KDM6B: variants seen among roughly 807,000 people sequenced by gnomAD.
KDM6B encodes the protein lysine demethylase 6B.
A neutral mutation model predicts 150.4 loss-of-function variants in KDM6B; 22 were observed. That is an observed-to-expected ratio of 0.15 (90% CI 0.10 to 0.21). The LOEUF is 0.21. KDM6B is among the 10% of genes least tolerant of loss of function. The pLI is 1.00. For synonymous variants in KDM6B, 1,148 were observed against 921.1 expected, an observed-to-expected ratio of 1.25 and a Z score of -4.46; for missense variants, 1,984 against 2,234.3, an observed-to-expected ratio of 0.89 and a Z score of 2.26.
rs897216886 is a variant in KDM6B at position 7,850,143 on chromosome 17, A to T, written c.3639A>T (p.Thr1213=). 1 of 1,613,646 alleles carries T rather than the reference A, an allele frequency of 6.2e-7. No individual in the cohort carries two copies. Among genetic ancestry groups the T allele is most frequent in the African/African-American group, 1.3e-5 (1 of 74,926 alleles). The change falls in exon 14 of 24, where the codon ACA becomes ACT. Residue 1213 remains threonine (T), a synonymous_variant. Transcript: ENST00000448097. ...GTACAGACCCTCGAAATCCCATCACAGTGATCCGGGGCCTGGCGGGCTCCC... is the reference window on the plus strand; with the variant it reads ...GTACAGACCCTCGAAATCCCATCACTGTGATCCGGGGCCTGGCGGGCTCCC... ...QFCTDPRNPI[T]VIRGLAGSLR...
chr17:7,845,035 C>CATTAAAAAA lies in KDM6B; in HGVS notation c.-149+15_-149+16insATTAAAAAA. ...ACGGAGGCCGGGTAAGCGGCCGCTG[C>CATTAAAAAA]GTTTTGGGTCGGCCCAGTGGCTCCG... On this transcript the variant is annotated intron_variant, in intron 3 of 23. Transcript: ENST00000448097. 3.2e-5 allele frequency: 6 copies of CATTAAAAAA among 189,824 alleles called. No homozygotes were observed. The highest frequency in any genetic ancestry group is 2.6e-4 in the South Asian group (3 of 11,490). The allele number at this position is 189,824 out of a possible 1,614,324, so 11.8% of individuals were successfully genotyped here.
intron 2 of KDM6B, among the ~76,000 whole-genome samples, chr17:7,842,310 AGAGGGTGTGGCCTCGGCGG>A (rs1490555462): frequency 2.0e-5 from 3 of 152,014 alleles, no homozygotes; most frequent in African/African-American, 7.3e-5. Flanking sequence ...GCCCGGATGG[AGAGGGTGTGGCCTCGGCGG>A]GAGCGGAATT....
intron 1 of KDM6B, among the ~76,000 whole-genome samples, chr17:7,834,792 C>G (rs1426746789): frequency 1.3e-5 from 2 of 152,174 alleles, no homozygotes; most frequent in Non-Finnish European, 2.9e-5. Flanking sequence ...GTTCTCTGCA[C>G]GGGTGAGGTG....
chr17:7,852,122 C>A (rs372391324), intron 19 of KDM6B, 27 bp from the exon 20 acceptor site: 2 of 1,613,900 alleles, frequency 1.2e-6, no homozygotes, highest in East Asian at 2.2e-5. Flanking sequence ...GTCCCCAGTT[C>A]CCACCTGACC....
At chr17:7,852,380 G>T in intron 20 of KDM6B, 44 bp downstream of exon 20, 2 of 1,595,274 alleles carry the variant, frequency 1.3e-6, no homozygotes, top group South Asian at 1.1e-5. Context: ...GCGCCTCAGC[G>T]GCAAGGGCCT....
chr17:7,853,433 C>T (rs1256578613), intron 23 of KDM6B, 53 bp downstream of exon 23: 3 of 1,529,344 alleles, frequency 2.0e-6, no homozygotes, highest in Admixed American at 4.0e-5. Context: ...GGGCAGGCTG[C>T]AGGGACGGGC....
In KDM6B at chr17:7,843,462, G is replaced by A. The variant is rs2078459413; in HGVS notation, c.-268-1439G>A. 6.6e-6 allele frequency among the ~76,000 whole-genome samples: 1 copy of A among 152,218 alleles called. No homozygotes were observed. Among genetic ancestry groups the A allele is most frequent in the Non-Finnish European group, 1.5e-5 (1 of 68,036 alleles). On this transcript the variant is annotated intron_variant, in intron 2 of 23. Transcript: ENST00000448097. This position sits in a 1 kb window ranked among gnomAD's most constrained non-coding sequence, Gnocchi z 4.5. ...GGGCTTGGCGGAGAGTGGCACGCAG[G>A]GACCTGTAGGGTCCAAGCGCTTCCA... is the stretch of plus-strand genomic sequence containing the variant.
At position 7,850,979 on chromosome 17, in the gene KDM6B, C is replaced by G. The variant is rs763750150; in HGVS notation, c.3674-42C>G. On this transcript the variant is annotated intron_variant, in intron 14 of 23. Coordinates refer to ENST00000448097, the MANE Select transcript of KDM6B (RefSeq NM_001348716.2). ...GTCGATTGGGTCCTCGGTCCCTATC[C>G]TCTGCCTCTGCCCCGACACCCTGCT... 7.3e-5 allele frequency: 94 copies of G among 1,295,446 alleles called. No individual in the cohort carries two copies. The African/African-American group carries it at 1.3e-3, about 17-fold the overall frequency. 80.2% of individuals were successfully genotyped at this position (1,295,446 alleles called of 1,614,324 possible). A position where few individuals can be genotyped will look rare whatever the true frequency, so the allele number is the denominator to read the frequency against.
In KDM6B at chr17:7,853,494, C is replaced by G. The variant is rs899096566; in HGVS notation, c.4909-4C>G. On this transcript the variant is annotated splice_region_variant and splice_polypyrimidine_tract_variant and intron_variant, in intron 23 of 23. Transcript: ENST00000448097. ...CTGAGCCCCCGCCGGCTTTCTCCCC[C>G]CAGGCCCCAGCCAGCACGTCGCGAT... The G allele has an allele frequency of 1.3e-5, 19 of 1,508,350 alleles. No individual in the cohort carries two copies. The Middle Eastern group carries it at 7.0e-4, about 56-fold the overall frequency. The allele number at this position is 1,508,350 out of a possible 1,614,324, so 93.4% of individuals were successfully genotyped here.
chr17:7,852,398 T>TG (rs200762656), intron 20 of KDM6B, 62 bp downstream of exon 20: 6 of 1,291,268 alleles, frequency 4.6e-6, no homozygotes, highest in Non-Finnish European at 5.3e-6. Context: ...CCTGGGAGGC[T>TG]GGGGCTTGGA....
chr17:7,852,114 C>G, intron 19 of KDM6B, 35 bp from the exon 20 acceptor site: 8 of 1,613,756 alleles, frequency 5.0e-6, no homozygotes, highest in Non-Finnish European at 5.9e-6. Flanking sequence ...CGCCCTCGGT[C>G]CCCAGTTCCC....
At chr17:7,836,123 G>GC (rs1386077916) in intron 1 of KDM6B, among the ~76,000 whole-genome samples, 4 of 152,220 alleles carry the variant, frequency 2.6e-5, no homozygotes, top group Admixed American at 2.6e-4. Context: ...TCCCGCCCGG[G>GC]CCCAGCTGCT....
intron 1 of KDM6B, among the ~76,000 whole-genome samples, chr17:7,838,140 C>T (rs2078358476): frequency 7.5e-6 from 1 of 134,056 alleles, no homozygotes; most frequent in Admixed American, 7.8e-5. Flanking sequence ...TTTCGTTTTG[C>T]AGAGGGACTC....
chr17:7,842,827 C>T (rs1039038249), intron 2 of KDM6B, among the ~76,000 whole-genome samples: 1 of 150,876 alleles, frequency 6.6e-6, no homozygotes, highest in African/African-American at 2.4e-5. Context: ...GCTCCCCCAC[C>T]CCAAGCCTGA....
At position 7,852,074 on chromosome 17, in the gene KDM6B, C is replaced by T. The variant is rs949602441; in HGVS notation, c.4280+9C>T. On this transcript the variant is annotated intron_variant, in intron 19 of 23. Coordinates refer to ENST00000448097, the MANE Select transcript of KDM6B (RefSeq NM_001348716.2). ...AGCGCTTTCTGTGATCGGTGCGTGC[C>T]GTCCTGCGCAAGTCAGACTGCCGCG... The T allele has an allele frequency of 3.7e-6, 6 of 1,613,584 alleles. No individual in the cohort carries two copies. Among genetic ancestry groups the T allele is most frequent in the African/African-American group, 2.7e-5 (2 of 74,936 alleles).
Position 7,850,053 on chromosome 17 carries a change from T to C in KDM6B, c.3568-19T>C. ...CCTGGGCCAGGGCTCTGACCCCAGCTCTCCTGGTCATGTCTCAGCTGGAGA... is the reference window on the plus strand; with the variant it reads ...CCTGGGCCAGGGCTCTGACCCCAGCCCTCCTGGTCATGTCTCAGCTGGAGA... On this transcript the variant is annotated intron_variant, in intron 13 of 23. Coordinates refer to ENST00000448097, the MANE Select transcript of KDM6B (RefSeq NM_001348716.2). 5 of 1,613,550 alleles carry C rather than the reference T, an allele frequency of 3.1e-6. No homozygotes were observed. The highest frequency in any genetic ancestry group is 4.2e-6 in the Non-Finnish European group (5 of 1,179,828).
Position 7,854,775 on chromosome 17 carries a change from AAAAAT to A in KDM6B, c.*1258_*1262del, listed in dbSNP as rs1311977481. The A allele has an allele frequency of 2.8e-6, 1 of 356,078 alleles. No individual in the cohort carries two copies. The highest frequency in any genetic ancestry group is 5.2e-6 in the Non-Finnish European group (1 of 192,558). The allele number at this position is 356,078 out of a possible 1,614,324, so 22.1% of individuals were successfully genotyped here. A position where few individuals can be genotyped will look rare whatever the true frequency, so the allele number is the denominator to read the frequency against. On this transcript the variant is annotated 3_prime_UTR_variant, in exon 24 of 24. Coordinates refer to ENST00000448097, the MANE Select transcript of KDM6B (RefSeq NM_001348716.2). ...ATTTTTGTGTGAGAATATTAATATT[AAAAAT>A]AAACGGAGAAAAAAAATCCTGTTTC...
At chr17:7,841,453 A>G (rs2078412756) in intron 2 of KDM6B, among the ~76,000 whole-genome samples, 1 of 152,240 alleles carries the variant, frequency 6.6e-6, no homozygotes. Context: ...AGGCAAACAC[A>G]GAAGGGCATG....
intron 11 of KDM6B, 24 bp downstream of exon 11, chr17:7,847,476 G>T (rs553125163): frequency 1.8e-5 from 29 of 1,613,568 alleles, no homozygotes; most frequent in South Asian, 1.3e-4. Flanking sequence ...GAGGGTGGAG[G>T]GGGGGATGGG....
Sources: allele counts gnomAD v4.1 joint callset (sites outside exome capture counted in the v4.1 genomes callset), GRCh38; gene constraint gnomAD v4.1.1; non-coding constraint Gnocchi (gnomAD v3.1); transcripts MANE v1.5; gene names NCBI Gene and HGNC (gene_info 2026-07-23, HGNC 2026-07-21).